The following PRKG2 variants were observed in gnomAD, a reference collection of about 807,000 sequenced individuals.
PRKG2 encodes cGMP-dependent protein kinase 2.
PRKG2 carries 33 observed loss-of-function variants against 97.2 expected under a neutral mutation model. The ratio of observed to expected loss-of-function variants is 0.34; its 90% confidence interval spans 0.26 to 0.45. PRKG2 has a LOEUF of 0.45. PRKG2 is among the 20% of genes least tolerant of loss of function. PRKG2 has a pLI of 1.00. For missense variants in PRKG2, 638 were observed against 900.0 expected, an observed-to-expected ratio of 0.71 and a Z score of 3.73; for synonymous variants, 330 against 321.8, an observed-to-expected ratio of 1.03 and a Z score of -0.27.
At chr4:81,104,035 AAAAC>A (rs71664829) in intron 17 of PRKG2, among the ~76,000 whole-genome samples, 24 of 151,858 alleles carry the variant, frequency 1.6e-4, no homozygotes, top group Middle Eastern at 3.4e-3. Context: ...TGTCATAAGA[AAAAC>A]AAACAAACAA....
chr4:81,129,906 G>A (rs1205728354), intron 14 of PRKG2, among the ~76,000 whole-genome samples: 1 of 152,150 alleles, frequency 6.6e-6, no homozygotes, highest in African/African-American at 2.4e-5. Flanking sequence ...CCCATTAGTT[G>A]ATGCGGTTTC....
At chr4:81,121,547 T>G (rs1745071891) in intron 14 of PRKG2, among the ~76,000 whole-genome samples, 1 of 152,172 alleles carries the variant, frequency 6.6e-6, no homozygotes, top group African/African-American at 2.4e-5. Flanking sequence ...TTTCAAGGAA[T>G]TAGTCCATTT....
At chr4:81,141,081 G>A (rs1747234867) in intron 11 of PRKG2, among the ~76,000 whole-genome samples, 1 of 152,004 alleles carries the variant, frequency 6.6e-6, no homozygotes, top group Non-Finnish European at 1.5e-5. Flanking sequence ...TGCAATCAGG[G>A]CTCATTGCAG....
At chr4:81,136,508 T>C (rs1746717418) in intron 13 of PRKG2, among the ~76,000 whole-genome samples, 1 of 152,138 alleles carries the variant, frequency 6.6e-6, no homozygotes, top group African/African-American at 2.4e-5. Context: ...TCTCATGTCT[T>C]CTGTTGCCCT....
In PRKG2 at chr4:81,089,820, TAAAAC is replaced by T. The variant is rs774005888; in HGVS notation, c.2194-22_2194-18del. On this transcript the variant is annotated intron_variant, in intron 18 of 18. Transcript: ENST00000264399. ...TCCCTTGAGCTAATATAGAAATAAT[TAAAAC>T]AAAAGGAAGAATAATGTTGACCAAG... is the stretch of plus-strand genomic sequence containing the variant. The T allele has an allele frequency of 1.7e-5, 26 of 1,559,350 alleles. No homozygotes were observed. Among genetic ancestry groups the T allele is most frequent in the Non-Finnish European group, 2.3e-5 (26 of 1,131,356 alleles).
At chr4:81,112,491 G>A (rs1380387336) in intron 14 of PRKG2, among the ~76,000 whole-genome samples, 1 of 152,084 alleles carries the variant, frequency 6.6e-6, no homozygotes, top group Non-Finnish European at 1.5e-5. Flanking sequence ...TTTATTAATT[G>A]CATTTAAGTT....
intron 8 of PRKG2, 126 bp downstream of exon 8, chr4:81,151,834 A>G: frequency 1.4e-6 from 1 of 699,342 alleles, no homozygotes; most frequent in South Asian, 1.8e-5. Flanking sequence ...ATCACTTCAA[A>G]ATATTTAATA....
intron 13 of PRKG2, among the ~76,000 whole-genome samples, chr4:81,136,280 A>C (rs1359821672): frequency 1.3e-5 from 2 of 152,188 alleles, no homozygotes; most frequent in Non-Finnish European, 2.9e-5. Context: ...CCATAAATGC[A>C]CATTAAAATT....
chr4:81,091,798 T>C (rs1741563240), intron 18 of PRKG2, among the ~76,000 whole-genome samples: 1 of 152,148 alleles, frequency 6.6e-6, no homozygotes, highest in Non-Finnish European at 1.5e-5. Context: ...TAGCTGAAGT[T>C]CTGCTGCCTC....
At chr4:81,192,311 G>A (rs995407099) in intron 2 of PRKG2, 3 of 152,096 alleles carry the variant, frequency 2.0e-5, no homozygotes, top group Non-Finnish European at 2.9e-5. Context: ...GGAAGATAAT[G>A]GGTAGAAATT....
intron 13 of PRKG2, 39 bp downstream of exon 13, chr4:81,137,354 C>T: frequency 7.2e-7 from 1 of 1,379,802 alleles, no homozygotes; most frequent in South Asian, 1.2e-5. Context: ...ATAAATATAG[C>T]CCTTAGGCCA....
intron 12 of PRKG2, among the ~76,000 whole-genome samples, chr4:81,139,706 C>G (rs775708922): frequency 1.5e-4 from 22 of 144,400 alleles, no homozygotes; most frequent in Non-Finnish European, 3.0e-4. Flanking sequence ...ACCCCAGAGG[C>G]GGAGCTTGCA....
At chr4:81,109,576 C>G (rs1012494620) in intron 15 of PRKG2, among the ~76,000 whole-genome samples, 1 of 146,608 alleles carries the variant, frequency 6.8e-6, no homozygotes, top group African/African-American at 2.7e-5. Context: ...TGATCTTGGA[C>G]AGGTAGCTCT....
At chr4:81,178,271 C>T (rs1213502229) in intron 2 of PRKG2, among the ~76,000 whole-genome samples, 2 of 152,014 alleles carry the variant, frequency 1.3e-5, no homozygotes, top group African/African-American at 2.4e-5. Flanking sequence ...TAAGCATTCT[C>T]CATTGGAAGT....
At chr4:81,162,340 A>T (rs577547553) in intron 6 of PRKG2, among the ~76,000 whole-genome samples, 9 of 152,264 alleles carry the variant, frequency 5.9e-5, no homozygotes, top group Middle Eastern at 3.4e-3. Context: ...AGCTATGGCC[A>T]TGTGATGAAC....
intron 6 of PRKG2, among the ~76,000 whole-genome samples, chr4:81,163,496 T>C (rs571326752): frequency 6.6e-6 from 1 of 152,262 alleles, no homozygotes; most frequent in South Asian, 2.1e-4. Flanking sequence ...GGTACACATA[T>C]TTATACAAAA....
intron 2 of PRKG2, among the ~76,000 whole-genome samples, chr4:81,195,241 T>C (rs1752885389): frequency 6.6e-6 from 1 of 152,198 alleles, no homozygotes; most frequent in South Asian, 2.1e-4. Flanking sequence ...ACATAGCTTG[T>C]TCTCTTCTGC....
chr4:81,160,293 A>C (rs894186522), intron 6 of PRKG2, among the ~76,000 whole-genome samples: 1 of 152,142 alleles, frequency 6.6e-6, no homozygotes, highest in Middle Eastern at 3.2e-3. Flanking sequence ...CATTGCAGTC[A>C]TAAACTGTAG....
At chr4:81,123,761 T>C (rs1745295321) in intron 14 of PRKG2, among the ~76,000 whole-genome samples, 1 of 152,188 alleles carries the variant, frequency 6.6e-6, no homozygotes, top group African/African-American at 2.4e-5. Flanking sequence ...GTTAAGTCCA[T>C]TTACATATAC....
Sources: allele counts gnomAD v4.1 joint callset (sites outside exome capture counted in the v4.1 genomes callset), GRCh38; gene constraint gnomAD v4.1.1; transcripts MANE v1.5; gene names NCBI Gene and HGNC (gene_info 2026-07-23, HGNC 2026-07-21).